The following CDH20 variants were observed in gnomAD, a reference collection of about 807,000 sequenced individuals.
CDH20 encodes cadherin 20, also known as cadherin-20.
CDH20 carries 29 observed loss-of-function variants against 74.2 expected under a neutral mutation model. That is an observed-to-expected ratio of 0.39 (90% CI 0.29 to 0.53). The LOEUF is 0.53. Ranked by LOEUF, CDH20 falls within the 20% of genes least tolerant of loss-of-function variation. CDH20 has a pLI of 0.69. For missense variants in CDH20, 988 were observed against 1,048.3 expected (o/e 0.94, Z 0.79); for synonymous variants, 469 against 405.4 (o/e 1.16, Z -1.88).
At chr18:61,339,034 T>C (rs867645107) in intron 1 of CDH20, among the ~76,000 whole-genome samples, 1 of 152,172 alleles carries the variant, frequency 6.6e-6, no homozygotes, top group Non-Finnish European at 1.5e-5. Flanking sequence ...ATTTGAATGG[T>C]TCTTGTTACT....
At chr18:61,340,328 A>G (rs1909906844) in intron 1 of CDH20, among the ~76,000 whole-genome samples, 1 of 151,060 alleles carries the variant, frequency 6.6e-6, no homozygotes, top group Admixed American at 6.6e-5. Flanking sequence ...ATTGGGAGCT[A>G]GCAGTCAAAA....
At chr18:61,495,523 G>C (rs141099884) in intron 2 of CDH20, among the ~76,000 whole-genome samples, 1 of 152,178 alleles carries the variant, frequency 6.6e-6, no homozygotes, top group Non-Finnish European at 1.5e-5. Flanking sequence ...CAGGAGGCAG[G>C]AGGAGGGAGG....
chr18:61,444,078 T>C (rs551085261), intron 1 of CDH20, among the ~76,000 whole-genome samples: 2 of 152,266 alleles, frequency 1.3e-5, no homozygotes, highest in South Asian at 2.1e-4. Context: ...GGCTTATAGC[T>C]AGTCAAGGTA....
intron 6 of CDH20, among the ~76,000 whole-genome samples, chr18:61,523,865 G>A (rs900578317): frequency 6.6e-6 from 1 of 152,056 alleles, no homozygotes; most frequent in African/African-American, 2.4e-5. Flanking sequence ...TGAACAATGA[G>A]AACACATGGA....
At chr18:61,449,757 G>GA (rs149087987) in intron 1 of CDH20, among the ~76,000 whole-genome samples, 4,156 of 150,916 alleles carry the variant, frequency 0.028, 197 homozygotes, top group East Asian at 0.21. Context: ...TTTTAAAATA[G>GA]AAAAAAATAT....
intron 1 of CDH20, among the ~76,000 whole-genome samples, chr18:61,445,306 C>T (rs1404657383): frequency 1.3e-5 from 2 of 151,726 alleles, no homozygotes; most frequent in African/African-American, 2.4e-5. Flanking sequence ...TCCATTTACA[C>T]AAAAAAAATC....
chr18:61,339,388 CACAT>C (rs1445923124), intron 1 of CDH20, among the ~76,000 whole-genome samples: 4 of 150,692 alleles, frequency 2.7e-5, no homozygotes, highest in African/African-American at 4.9e-5. Context: ...CACACACACA[CACAT>C]ATATATTGCA....
chr18:61,508,662 A>C (rs949631071), intron 6 of CDH20, among the ~76,000 whole-genome samples: 2 of 152,094 alleles, frequency 1.3e-5, no homozygotes, highest in African/African-American at 4.8e-5. Flanking sequence ...TTCGAGACAG[A>C]GTCTCACTTT....
intron 1 of CDH20, among the ~76,000 whole-genome samples, chr18:61,405,393 C>G (rs1382994475): frequency 2.0e-5 from 3 of 152,042 alleles, no homozygotes; most frequent in Non-Finnish European, 4.4e-5. Context: ...TGAGACCAGC[C>G]TGGGCAATAT....
In CDH20 at chr18:61,480,587, T is replaced by G. The variant is rs533564416; in HGVS notation, c.-152-9815T>G. Among the ~76,000 whole-genome samples the G allele has an allele frequency of 1.9e-4, 29 of 152,320 alleles. No homozygotes were observed. The East Asian group carries it at 5.0e-3, about 26-fold the overall frequency. On this transcript the variant is annotated intron_variant, in intron 1 of 11. Coordinates refer to ENST00000262717, the MANE Select transcript of CDH20 (RefSeq NM_031891.4). ...AGCTTTTTCAAAGGAGGGACTCATA[T>G]ATGCATTTATCTCAGTGACCAGAGG...
At position 61,455,401 on chromosome 18, in the gene CDH20, C is replaced by T. The variant is rs190239114; in HGVS notation, c.-152-35001C>T. Among the ~76,000 whole-genome samples, 14 of 152,176 alleles carry T rather than the reference C, an allele frequency of 9.2e-5. No homozygotes were observed. In the South Asian group the frequency reaches 1.9e-3, roughly 20 times the overall value. ...GACCAGTTTGTAAGACAAAAGATTC[C>T]GGAGCCATTAATGAAATTATTTTTT... On this transcript the variant is annotated intron_variant, in intron 1 of 11. Coordinates refer to ENST00000262717, the MANE Select transcript of CDH20 (RefSeq NM_031891.4).
At chr18:61,472,805 G>A (rs1404049880) in intron 1 of CDH20, among the ~76,000 whole-genome samples, 3 of 152,192 alleles carry the variant, frequency 2.0e-5, no homozygotes, top group African/African-American at 7.2e-5. Flanking sequence ...CTTGATTTGT[G>A]ATAAACTTAG....
chr18:61,339,026 T>C (rs1344087934), intron 1 of CDH20, among the ~76,000 whole-genome samples: 1 of 152,196 alleles, frequency 6.6e-6, no homozygotes. Flanking sequence ...AGTTAAATAT[T>C]TGAATGGTTC....
Position 61,555,004 on chromosome 18 carries a change from G to A in CDH20, c.*309G>A, listed in dbSNP as rs1042965502. 1.8e-5 allele frequency: 22 copies of A among 1,200,018 alleles called. No individual in the cohort carries two copies. Among genetic ancestry groups the A allele is most frequent in the Admixed American group, 4.0e-5 (1 of 25,268 alleles). The allele number at this position is 1,200,018 out of a possible 1,614,324, so 74.3% of individuals were successfully genotyped here. A position where few individuals can be genotyped will look rare whatever the true frequency, so the allele number is the denominator to read the frequency against. On this transcript the variant is annotated 3_prime_UTR_variant, in exon 12 of 12. Transcript: ENST00000262717. Reference sequence around the variant, plus strand: ...CAAGGGTGGCTTTTCTCTGCCATTCGCTAAGGCCTTTGTCACTTTTCCACC... The same window carrying A: ...CAAGGGTGGCTTTTCTCTGCCATTCACTAAGGCCTTTGTCACTTTTCCACC...
chr18:61,428,824 C>G (rs552173334), intron 1 of CDH20, among the ~76,000 whole-genome samples: 2 of 152,332 alleles, frequency 1.3e-5, no homozygotes, highest in Admixed American at 6.5e-5. Context: ...TTAGTTCCTT[C>G]CAATAAAACA....
chr18:61,392,185 A>T (rs1489087767), intron 1 of CDH20, among the ~76,000 whole-genome samples: 10 of 62,528 alleles, frequency 1.6e-4, no homozygotes, highest in African/African-American at 2.4e-4. Flanking sequence ...ACCCCACCCC[A>T]CCCCCTACTC....
At chr18:61,444,725 A>G (rs1304549627) in intron 1 of CDH20, among the ~76,000 whole-genome samples, 1 of 152,208 alleles carries the variant, frequency 6.6e-6, no homozygotes, top group Non-Finnish European at 1.5e-5. Flanking sequence ...TGAATGAGGC[A>G]GAGCTTTAAA....
intron 1 of CDH20, among the ~76,000 whole-genome samples, chr18:61,468,966 C>T (rs1305625760): frequency 1.3e-5 from 2 of 152,078 alleles, no homozygotes; most frequent in Non-Finnish European, 1.5e-5. Context: ...CAACAAATCC[C>T]TTCATAACCA....
intron 1 of CDH20, among the ~76,000 whole-genome samples, chr18:61,452,669 T>C (rs1909433581): frequency 6.6e-6 from 1 of 151,844 alleles, no homozygotes; most frequent in African/African-American, 2.4e-5. Context: ...TGGCCCCAAA[T>C]ATGCACCAGT....
Sources: allele counts gnomAD v4.1 joint callset (sites outside exome capture counted in the v4.1 genomes callset), GRCh38; gene constraint gnomAD v4.1.1; transcripts MANE v1.5; gene names NCBI Gene and HGNC (gene_info 2026-07-23, HGNC 2026-07-21).